Variants in CDC14A observed in about 807,000 individuals in gnomAD.
CDC14A encodes the protein cell division cycle 14A, also known as dual specificity protein phosphatase CDC14A.
Under a neutral mutation model 74.4 loss-of-function variants are expected in CDC14A, and 53 were observed. The ratio of observed to expected loss-of-function variants is 0.71; its 90% CI spans 0.57 to 0.89. The LOEUF is 0.89. Ranked by LOEUF, CDC14A falls within the 40% of genes least tolerant of loss-of-function variation. The pLI is 0.00. For synonymous variants in CDC14A, 247 were observed against 258.4 expected (o/e 0.96, Z 0.43); for missense variants, 646 against 713.7 (o/e 0.91, Z 1.08).
chr1:100,436,516 C>T (rs1301915604), intron 5 of CDC14A, among the ~76,000 whole-genome samples: 1 of 151,954 alleles, frequency 6.6e-6, no homozygotes, highest in Non-Finnish European at 1.5e-5. Flanking sequence ...CCTCTGCCTC[C>T]CGGGTTCAAG....
intron 2 of CDC14A, among the ~76,000 whole-genome samples, chr1:100,361,071 T>TCTG (rs1466988084): frequency 6.6e-6 from 1 of 151,176 alleles, no homozygotes; most frequent in Non-Finnish European, 1.5e-5. Context: ...GACTTTTACT[T>TCTG]AGCCACAGCT....
chr1:100,465,727 T>G (rs1667736154), intron 9 of CDC14A, among the ~76,000 whole-genome samples: 1 of 152,220 alleles, frequency 6.6e-6, no homozygotes, highest in African/African-American at 2.4e-5. Flanking sequence ...ACTTTGTGGT[T>G]GATAAAAGAG....
At chr1:100,515,393 T>C (rs1162171705) in intron 15 of CDC14A, among the ~76,000 whole-genome samples, 1 of 151,822 alleles carries the variant, frequency 6.6e-6, no homozygotes, top group Non-Finnish European at 1.5e-5. Context: ...TTTCTTTTTT[T>C]TTTTTTTTGA....
intron 11 of CDC14A, chr1:100,485,944 G>A (rs1427014847): frequency 1.3e-5 from 2 of 152,198 alleles, no homozygotes; most frequent in Non-Finnish European, 2.9e-5. Context: ...CTGATGAAAT[G>A]TACACCTTAT....
rs531968157 is a variant in CDC14A, at chr1:100,383,264, C to T, written c.216+5643C>T. Among the ~76,000 whole-genome samples, 97 of 152,210 alleles carry T rather than the reference C, an allele frequency of 6.4e-4. 2 individuals are homozygous for T. Among genetic ancestry groups the T allele is most frequent in the Non-Finnish European group, 1.6e-4 (11 of 67,998 alleles). ...TGCCTTCAATTATTGATTATTAACA[C>T]GATGAAATCATCTTCATGAGCAACT... On this transcript the variant is annotated intron_variant, in intron 3 of 15. Coordinates refer to ENST00000336454, the MANE Select transcript of CDC14A (RefSeq NM_003672.4).
At chr1:100,443,123 T>G in intron 7 of CDC14A, 127 bp downstream of exon 7, 3 of 653,756 alleles carry the variant, frequency 4.6e-6, no homozygotes, top group Non-Finnish European at 7.9e-6. Flanking sequence ...TCCATAGTGG[T>G]CAGTTTTGTC....
At chr1:100,375,879 C>T (rs1655170581) in intron 2 of CDC14A, among the ~76,000 whole-genome samples, 1 of 152,148 alleles carries the variant, frequency 6.6e-6, no homozygotes, top group African/African-American at 2.4e-5. Context: ...TTCACAATAG[C>T]AAAGACTTGG....
At chr1:100,458,862 G>A (rs1256535269) in intron 8 of CDC14A, among the ~76,000 whole-genome samples, 2 of 151,982 alleles carry the variant, frequency 1.3e-5, no homozygotes, top group African/African-American at 2.4e-5. Flanking sequence ...TATTATAAGA[G>A]CCTTAAGTGT....
chr1:100,453,011 A>G (rs759134246), intron 7 of CDC14A, among the ~76,000 whole-genome samples: 7 of 152,168 alleles, frequency 4.6e-5, no homozygotes, highest in Admixed American at 6.5e-5. Context: ...AAGTAAGCGT[A>G]TATTATATTA....
At chr1:100,450,046 A>C (rs1246699932) in intron 7 of CDC14A, among the ~76,000 whole-genome samples, 1 of 151,948 alleles carries the variant, frequency 6.6e-6, no homozygotes. Flanking sequence ...TATTTACAAC[A>C]CAGATTGCTA....
rs1424746857 is a variant in CDC14A, at chr1:100,352,949, C to T, written c.-6C>T. 2.5e-6 allele frequency: 4 copies of T among 1,613,968 alleles called. No homozygotes were observed. In the Admixed American group the frequency reaches 6.7e-5, roughly 27 times the overall value. On this transcript the variant is annotated 5_prime_UTR_variant, in exon 1 of 16. Coordinates refer to ENST00000336454, the MANE Select transcript of CDC14A (RefSeq NM_003672.4). ...CCAGCCCTCCCCCGTGCGTATCTCGCTTAAGATGGCAGCGGAGTCAGGGGA... is the reference window on the plus strand; with the variant it reads ...CCAGCCCTCCCCCGTGCGTATCTCGTTTAAGATGGCAGCGGAGTCAGGGGA...
At chr1:100,465,119 GTTC>G (rs1236658829) in intron 9 of CDC14A, among the ~76,000 whole-genome samples, 3 of 151,758 alleles carry the variant, frequency 2.0e-5, no homozygotes, top group African/African-American at 2.4e-5. Flanking sequence ...TAGAGATGGG[GTTC>G]TGCTGGCCAG....
At chr1:100,507,004 C>T (rs1432655499) in intron 15 of CDC14A, among the ~76,000 whole-genome samples, 1 of 152,096 alleles carries the variant, frequency 6.6e-6, no homozygotes, top group Non-Finnish European at 1.5e-5. Context: ...AGAGAGAACC[C>T]GTATCTTAAA....
intron 1 of CDC14A, 113 bp from the exon 2 acceptor site, chr1:100,353,649 T>G (rs1651456378): frequency 7.9e-6 from 5 of 635,356 alleles, no homozygotes; most frequent in Non-Finnish European, 8.4e-6. Flanking sequence ...CTGCAAGAAT[T>G]CCACGTGTTA....
intron 10 of CDC14A, among the ~76,000 whole-genome samples, chr1:100,474,727 T>C (rs1429111864): frequency 6.6e-6 from 1 of 151,992 alleles, no homozygotes; most frequent in African/African-American, 2.4e-5. Context: ...TCCCTAGAAG[T>C]TGGACAATTT....
chr1:100,406,170 A>G (rs1418920821), intron 4 of CDC14A, among the ~76,000 whole-genome samples: 1 of 152,188 alleles, frequency 6.6e-6, no homozygotes, highest in Non-Finnish European at 1.5e-5. Context: ...GGCCGCAAAT[A>G]TATCTTCTTT....
intron 5 of CDC14A, among the ~76,000 whole-genome samples, chr1:100,428,401 C>T (rs1443133503): frequency 6.6e-6 from 1 of 152,122 alleles, no homozygotes; most frequent in East Asian, 1.9e-4. Flanking sequence ...TGTTTTTCAT[C>T]TACCTTAATT....
intron 4 of CDC14A, among the ~76,000 whole-genome samples, chr1:100,391,838 C>A (rs1657751378): frequency 6.6e-6 from 1 of 152,150 alleles, no homozygotes. Flanking sequence ...AGGCTGTGGG[C>A]TGGGGCCTTG....
chr1:100,439,099 A>G (rs1664643662), intron 5 of CDC14A, among the ~76,000 whole-genome samples: 1 of 152,200 alleles, frequency 6.6e-6, no homozygotes, highest in Non-Finnish European at 1.5e-5. Context: ...TGCCTAAAGC[A>G]GGTCTGCTAA....
Sources: allele counts gnomAD v4.1 joint callset (sites outside exome capture counted in the v4.1 genomes callset), GRCh38; gene constraint gnomAD v4.1.1; transcripts MANE v1.5; gene names NCBI Gene and HGNC (gene_info 2026-07-23, HGNC 2026-07-21).